The following RNF213 variants were observed in gnomAD, a reference collection of about 807,000 sequenced individuals.
RNF213 encodes ring finger protein 213.
RNF213 carries 341 observed loss-of-function variants against 514.4 expected under a neutral mutation model. The observed-to-expected ratio is 0.66, with a 90% CI of 0.61 to 0.73. The LOEUF (loss-of-function observed/expected upper bound fraction) is 0.73, where lower values mean the gene tolerates loss of function less well. Ranked by LOEUF, RNF213 falls within the 30% of genes least tolerant of loss-of-function variation. The pLI is 0.00. For synonymous variants in RNF213, 2,655 were observed against 2,658.2 expected, an observed-to-expected ratio of 1.00 and a Z score of 0.04; for missense variants, 5,767 against 6,615.6, an observed-to-expected ratio of 0.87 and a Z score of 4.45.
chr17:80,337,236 G>A (rs970693606), intron 23 of RNF213, among the ~76,000 whole-genome samples: 1 of 152,208 alleles, frequency 6.6e-6, no homozygotes, highest in Non-Finnish European at 1.5e-5. Context: ...TCTCTGCATT[G>A]GGGACCTGGC....
At chr17:80,340,527 AC>A in intron 26 of RNF213, 171 bp downstream of exon 26, 1 of 613,288 alleles carries the variant, frequency 1.6e-6, no homozygotes, top group Non-Finnish European at 2.8e-6. Flanking sequence ...CACCCTGGTC[AC>A]CTGGTCTCCC....
intron 3 of RNF213, among the ~76,000 whole-genome samples, chr17:80,282,533 G>C (rs1320355629): frequency 6.6e-6 from 1 of 151,892 alleles, no homozygotes; most frequent in Admixed American, 6.6e-5. Context: ...CGAGTAGCTG[G>C]GACTACAGGC....
rs541414394 is a variant in RNF213, at chr17:80,393,222, C to T, written c.15471-123C>T. 32 of 959,120 alleles carry T rather than the reference C, an allele frequency of 3.3e-5. No homozygotes were observed. The African/African-American group carries it at 4.1e-4, about 12-fold the overall frequency. 59.4% of individuals were successfully genotyped at this position (959,120 alleles called of 1,614,324 possible). On this transcript the variant is annotated intron_variant, in intron 67 of 67. Transcript: ENST00000582970. Reference sequence around the variant, plus strand: ...TCTTGAACTCCTGACCTCCACTGACCCACCCACCTCAGCCTCCCACAGTGC... The same window carrying T: ...TCTTGAACTCCTGACCTCCACTGACTCACCCACCTCAGCCTCCCACAGTGC...
rs138011023 is a variant in RNF213 at position 80,294,503 on chromosome 17, T to G, written c.1472-217T>G. ...TTTCCACTCATTACTGTGGGACGTC[T>G]AGGATGTCTGTTTGCACGGGGCTGG... On this transcript the variant is annotated intron_variant, in intron 8 of 67. Coordinates refer to ENST00000582970, the MANE Select transcript of RNF213 (RefSeq NM_001256071.3). Among the ~76,000 whole-genome samples, 28 of 152,302 alleles carry G rather than the reference T, an allele frequency of 1.8e-4. No homozygotes were observed. In the East Asian group the frequency reaches 5.0e-3, roughly 27 times the overall value.
intron 15 of RNF213, among the ~76,000 whole-genome samples, chr17:80,313,747 T>TGGTGGTGGA (rs1292842233): frequency 2.9e-4 from 42 of 145,736 alleles, no homozygotes; most frequent in African/African-American, 9.2e-4. Context: ...ATGGTGATGC[T>TGGTGGTGGA]GGTGGTGGAG....
rs1002692764 is a variant in RNF213 at position 80,353,165 on chromosome 17, G to T, written c.10423+106G>T. The T allele has an allele frequency of 6.7e-7, 1 of 1,502,050 alleles. No individual in the cohort carries two copies. Among genetic ancestry groups the T allele is most frequent in the Non-Finnish European group, 9.1e-7 (1 of 1,094,466 alleles). The allele number at this position is 1,502,050 out of a possible 1,614,324, so 93.0% of individuals were successfully genotyped here. Reference sequence around the variant, plus strand: ...ACTAGGAGCAGGGCCACCGTGTTTCGTCCCTCGGCAGGAGCTCGGGGACAC... The same window carrying T: ...ACTAGGAGCAGGGCCACCGTGTTTCTTCCCTCGGCAGGAGCTCGGGGACAC... On this transcript the variant is annotated intron_variant, in intron 33 of 67. Transcript: ENST00000582970. This position sits in a 1 kb window ranked among gnomAD's most constrained non-coding sequence, Gnocchi z 5.0.
At chr17:80,390,446 T>C (rs1277372452) in intron 67 of RNF213, among the ~76,000 whole-genome samples, 2 of 149,306 alleles carry the variant, frequency 1.3e-5, no homozygotes, top group Non-Finnish European at 2.9e-5. Context: ...AGTGGAGTAA[T>C]CTCAACTCAC....
Position 80,353,260 on chromosome 17 carries a change from G to A in RNF213, c.10423+201G>A. The stretch of plus-strand genomic sequence containing the variant: ...AGCAGGTGCGCTTACCACAGGCTGA[G>A]GTAGAGCTCTGTGAGCAGGCCAGCC... On this transcript the variant is annotated intron_variant, in intron 33 of 67. Coordinates refer to ENST00000582970, the MANE Select transcript of RNF213 (RefSeq NM_001256071.3). The surrounding 1 kb of genome is among the most constrained non-coding windows in gnomAD (Gnocchi z 5.0). 1.2e-6 allele frequency: 1 copy of A among 818,072 alleles called. No individual in the cohort carries two copies. Among genetic ancestry groups the A allele is most frequent in the South Asian group, 1.6e-5 (1 of 61,866 alleles). The allele number at this position is 818,072 out of a possible 1,614,324, so 50.7% of individuals were successfully genotyped here. A position where few individuals can be genotyped will look rare whatever the true frequency, so the allele number is the denominator to read the frequency against.
Position 80,292,899 on chromosome 17 carries a change from G to A in RNF213, c.1471+1072G>A, listed in dbSNP as rs936111196. ...AGGGCCTCCCTGCCCCCTGGTGTCC[G>A]GTGTCTTGGAAACAGTTGTTTTACT... On this transcript the variant is annotated intron_variant, in intron 8 of 67. Coordinates refer to ENST00000582970, the MANE Select transcript of RNF213 (RefSeq NM_001256071.3). 3.9e-5 allele frequency among the ~76,000 whole-genome samples: 6 copies of A among 152,128 alleles called. No homozygotes were observed. The Middle Eastern group carries it at 0.01, about 259-fold the overall frequency.
rs1434316707 is a variant in RNF213 at position 80,381,048 on chromosome 17, G to A, written c.13797+61G>A. The A allele has an allele frequency of 1.0e-5, 16 of 1,570,142 alleles. No homozygotes were observed. The Admixed American group carries it at 2.7e-4, about 26-fold the overall frequency. On this transcript the variant is annotated intron_variant, in intron 56 of 67. Transcript: ENST00000582970. ...AAGAACCTGCTTTCGCTTCTTCCCA[G>A]GGAGTCCTTTTGTCTTGAGTCCTAG... is the stretch of plus-strand genomic sequence containing the variant.
chr17:80,324,248 T>C (rs2046221598), intron 17 of RNF213, among the ~76,000 whole-genome samples: 2 of 152,234 alleles, frequency 1.3e-5, no homozygotes, highest in African/African-American at 4.8e-5. Context: ...CTTTATCAGT[T>C]TGTGGAAGTT....
At chr17:80,266,676 AT>A (rs1179879540) in intron 2 of RNF213, among the ~76,000 whole-genome samples, 1 of 151,658 alleles carries the variant, frequency 6.6e-6, no homozygotes, top group Non-Finnish European at 1.5e-5. Context: ...TATTTTTTAT[AT>A]TTTTAGTAGA....
intron 13 of RNF213, among the ~76,000 whole-genome samples, chr17:80,307,807 C>T (rs952385169): frequency 6.6e-6 from 1 of 151,212 alleles, no homozygotes; most frequent in Non-Finnish European, 1.5e-5. Context: ...GTCTGGGCCT[C>T]CCAAAGTGCT....
chr17:80,338,145 G>C (rs1460920564), intron 25 of RNF213, 148 bp downstream of exon 25: 1 of 1,065,794 alleles, frequency 9.4e-7, no homozygotes, highest in Non-Finnish European at 1.3e-6. Flanking sequence ...AGTAGAGTTG[G>C]CACATTTGTA....
At position 80,347,913 on chromosome 17, in the gene RNF213, C is replaced by T. The variant is rs113656240; in HGVS notation, c.9578C>T (p.Ala3193Val). The change falls in exon 29 of 68, where the codon GCG becomes GTG. Residue 3193 changes from alanine to valine, a missense_variant. Transcript: ENST00000582970. This position sits in a 1 kb window ranked among gnomAD's most constrained non-coding sequence, Gnocchi z 7.2. ...AAGAGCATCGTGGAGGAGCTCTGTG[C>T]GTGGGTGGAGAAGTTCATCAATGTC... ...WQKSIVEELC[A>V]WVEKFINVKA... is the part of the protein sequence containing the mutation. 78 of 1,614,136 alleles carry T rather than the reference C, an allele frequency of 4.8e-5. No individual in the cohort carries two copies. Among genetic ancestry groups the T allele is most frequent in the East Asian group, 3.1e-4 (14 of 44,882 alleles).
At chr17:80,262,551 G>A (rs929759817) in intron 1 of RNF213, among the ~76,000 whole-genome samples, 1 of 152,172 alleles carries the variant, frequency 6.6e-6, no homozygotes, top group African/African-American at 2.4e-5. Context: ...GATCCCTCTA[G>A]GCAGATAATG....
Position 80,388,698 on chromosome 17 carries a change from G to C in RNF213, c.15000+9G>C. 1.9e-6 allele frequency: 3 copies of C among 1,588,968 alleles called. No homozygotes were observed. Among genetic ancestry groups the C allele is most frequent in the Non-Finnish European group, 2.6e-6 (3 of 1,158,312 alleles). ...AGAACAAAATGGCACAGGTGATCCC[G>C]ATAAACCTGATCCTGTGCACGGGGC... On this transcript the variant is annotated intron_variant, in intron 64 of 67. Coordinates refer to ENST00000582970, the MANE Select transcript of RNF213 (RefSeq NM_001256071.3).
intron 65 of RNF213, 137 bp downstream of exon 65, chr17:80,389,504 CCAGT>C (rs2080375632): frequency 3.9e-6 from 3 of 777,482 alleles, no homozygotes; most frequent in Non-Finnish European, 6.6e-6. Flanking sequence ...AACTGCTCAC[CCAGT>C]CAGTCCAGCA....
chr17:80,307,239 CGG>C lies in RNF213; in HGVS notation c.2501+39_2501+40del, dbSNP rs764986178. 2.0e-5 allele frequency: 32 copies of C among 1,597,176 alleles called. No individual in the cohort carries two copies. The Middle Eastern group carries it at 6.7e-4, about 33-fold the overall frequency. ...CACGATGCAGTCTCTCCCTCACATG[CGG>C]CCCCCGGGGGCTTCCTCTGACCCCT... On this transcript the variant is annotated intron_variant, in intron 13 of 67. Transcript: ENST00000582970.
Sources: allele counts gnomAD v4.1 joint callset (sites outside exome capture counted in the v4.1 genomes callset), GRCh38; gene constraint gnomAD v4.1.1; non-coding constraint Gnocchi (gnomAD v3.1); transcripts MANE v1.5; gene names NCBI Gene and HGNC (gene_info 2026-07-23, HGNC 2026-07-21).